Variants in SPAG5 observed in about 807,000 individuals in gnomAD.
SPAG5 encodes the protein sperm-associated antigen 5.
Under a neutral mutation model 145.4 loss-of-function variants are expected in SPAG5, and 99 were observed. That is an observed-to-expected ratio of 0.68 (90% CI 0.58 to 0.80). The LOEUF (loss-of-function observed/expected upper bound fraction) is 0.80. SPAG5 is among the 30% of genes least tolerant of loss of function. The pLI is 0.00. For missense variants in SPAG5, 1,192 were observed against 1,416.0 expected (o/e 0.84, Z 2.54); for synonymous variants, 477 against 525.4 (o/e 0.91, Z 1.26).
Position 28,579,206 on chromosome 17 carries a change from C to T in SPAG5, c.3052G>A (p.Glu1018Lys). 6.2e-7 allele frequency: 1 copy of T among 1,614,182 alleles called. No individual in the cohort carries two copies. The highest frequency in any genetic ancestry group is 8.5e-7 in the Non-Finnish European group (1 of 1,180,038). Residue 1018 changes from glutamate (E) to lysine (K), a missense_variant, in exon 19 of 24, where the codon GAA becomes AAA. Physicochemically the swap from Glu to Lys is moderately conservative, Grantham distance 56. This residue lies in a region of SPAG5 where 709 missense variants were observed against 840.7 expected (regional missense o/e 0.84). Coordinates refer to ENST00000321765, the MANE Select transcript of SPAG5 (RefSeq NM_006461.4). ...RLQAQEEQHQ[E>K]VQKAKEADIE... The stretch of plus-strand genomic sequence containing the variant: ...TCTGCTTCTTTTGCCTTCTGGACTT[C>T]CTGATGCTGTTCTTCCTGGGCCTGC...
intron 13 of SPAG5, 47 bp downstream of exon 13, chr17:28,584,103 C>T (rs768816551): frequency 1.2e-6 from 2 of 1,610,268 alleles, no homozygotes; most frequent in East Asian, 2.2e-5. Flanking sequence ...GCAAGAATCA[C>T]ACTCCTGAGG....
At position 28,585,820 on chromosome 17, in the gene SPAG5, G is replaced by A. The variant is rs200704201; in HGVS notation, c.1740+44C>T. 2.5e-6 allele frequency: 4 copies of A among 1,613,682 alleles called. No individual in the cohort carries two copies. In the African/African-American group the frequency reaches 4.0e-5, roughly 16 times the overall value. ...ATTTGTGTTCCTGCAGGAACCTTGA[G>A]GTGGAAACCTCCCACATCCAAGAAC... On this transcript the variant is annotated intron_variant, in intron 7 of 23. Coordinates refer to ENST00000321765, the MANE Select transcript of SPAG5 (RefSeq NM_006461.4).
intron 17 of SPAG5, 48 bp from the exon 18 acceptor site, chr17:28,579,533 G>A: frequency 6.3e-7 from 1 of 1,598,032 alleles, no homozygotes; most frequent in South Asian, 1.1e-5. Context: ...AGCCCTGGAA[G>A]GAAGGAGTGT....
chr17:28,577,939 C>T, intron 23 of SPAG5, 71 bp downstream of exon 23: 8 of 1,367,820 alleles, frequency 5.8e-6, no homozygotes, highest in Non-Finnish European at 8.3e-6. Flanking sequence ...CAGATCTGTG[C>T]TCATTAGTAC....
chr17:28,598,834 C>T (rs2070688722), intron 1 of SPAG5, 62 bp downstream of exon 1: 2 of 1,582,460 alleles, frequency 1.3e-6, no homozygotes, highest in Non-Finnish European at 8.7e-7. Context: ...ACAGTAGACA[C>T]GGCCGGTGCC....
Position 28,598,557 on chromosome 17 carries a change from G to A in SPAG5, c.130C>T (p.Pro44Ser). The A allele has an allele frequency of 6.2e-7, 1 of 1,613,922 alleles. No individual in the cohort carries two copies. Among genetic ancestry groups the A allele is most frequent in the Non-Finnish European group, 8.5e-7 (1 of 1,179,948 alleles). ...GALTNSGKRS[P>S]ACSSLTPSLC... ...GATGGGGTCAGCGAGGAGCAAGCGGGGGATCTTTTTCCAGAGTTGGTGAGG... is the reference window on the plus strand; with the variant it reads ...GATGGGGTCAGCGAGGAGCAAGCGGAGGATCTTTTTCCAGAGTTGGTGAGG... The change falls in exon 2 of 24, where the codon CCC becomes TCC. Residue 44 changes from proline to serine, a missense_variant. This residue lies in a region of SPAG5 where 329 missense variants were observed against 354.0 expected (regional missense o/e 0.93). Transcript: ENST00000321765.
intron 2 of SPAG5, among the ~76,000 whole-genome samples, chr17:28,596,778 T>C (rs1268148725): frequency 6.6e-6 from 1 of 152,160 alleles, no homozygotes; most frequent in Non-Finnish European, 1.5e-5. Flanking sequence ...TCTAATATGA[T>C]AGCCACTAGC....
At chr17:28,594,651 T>G (rs918027260) in intron 2 of SPAG5, among the ~76,000 whole-genome samples, 1 of 152,126 alleles carries the variant, frequency 6.6e-6, no homozygotes, top group South Asian at 2.1e-4. Context: ...TATTAGTGGA[T>G]GAAACAAAAC....
chr17:28,580,905 GCTAA>G (rs2070545517), intron 15 of SPAG5: 1 of 152,208 alleles, frequency 6.6e-6, no homozygotes, highest in East Asian at 1.9e-4. Flanking sequence ...AGACTCAAAG[GCTAA>G]CTGCCTGTGA....
intron 15 of SPAG5, among the ~76,000 whole-genome samples, chr17:28,583,280 G>A (rs1294688381): frequency 2.0e-5 from 3 of 152,186 alleles, no homozygotes; most frequent in South Asian, 4.1e-4. Context: ...GGGTTCTGGG[G>A]ATAAAAATGG....
Position 28,592,731 on chromosome 17 carries a change from T to G in SPAG5, c.513A>C (p.Arg171Ser). Residue 171 changes from arginine (R) to serine (S), a missense_variant, in exon 3 of 24, where the codon AGA (arginine) becomes AGC (serine). Arg to Ser is a moderately radical substitution (Grantham distance 110, BLOSUM62 -1). This residue lies in a region of SPAG5 where 329 missense variants were observed against 354.0 expected (regional missense o/e 0.93). Transcript: ENST00000321765. ...CTCCCATGCAGGGTGCCACCTCCTC[T>G]CTCACCAGATCGTCTGTTCTCAAAG... ...NGPLRTDDLV[R>S]EEVAPCMGDR... 6.2e-7 allele frequency: 1 copy of G among 1,614,206 alleles called. No individual in the cohort carries two copies. The highest frequency in any genetic ancestry group is 2.2e-5 in the East Asian group (1 of 44,894).
intron 6 of SPAG5, 26 bp downstream of exon 6, chr17:28,586,064 T>G (rs1218653327): frequency 1.2e-6 from 2 of 1,613,336 alleles, no homozygotes; most frequent in Non-Finnish European, 1.7e-6. Flanking sequence ...ACCACAGGCC[T>G]CCACCTCCAT....
chr17:28,587,250 A>T (rs1165533671), intron 4 of SPAG5, among the ~76,000 whole-genome samples: 4 of 142,656 alleles, frequency 2.8e-5, no homozygotes, highest in Non-Finnish European at 4.7e-5. Context: ...CCCATCTCTA[A>T]AAAAAAAAAA....
rs1187692813 is a variant in SPAG5, at chr17:28,585,356, GAAGT to G, written c.1912_1915del (p.Thr638LeufsTer21). 8 of 1,614,222 alleles carry G rather than the reference GAAGT, an allele frequency of 5.0e-6. No homozygotes were observed. The highest frequency in any genetic ancestry group is 5.9e-6 in the Non-Finnish European group (7 of 1,180,026). ...GGACCTCCAGTCTTGTTGCAAGGTA[GAAGT>G]AAGACTCACTGTCTGCTGAACCAGC... On this transcript the variant is annotated frameshift_variant, in exon 9 of 24. Coordinates refer to ENST00000321765, the MANE Select transcript of SPAG5 (RefSeq NM_006461.4). LOFTEE classifies it high-confidence loss of function.
chr17:28,577,769 G>T lies in SPAG5; in HGVS notation c.3512C>A (p.Thr1171Asn). The T allele has an allele frequency of 6.2e-7, 1 of 1,613,230 alleles. No homozygotes were observed. Among genetic ancestry groups the T allele is most frequent in the Non-Finnish European group, 8.5e-7 (1 of 1,179,212 alleles). The change falls in exon 24 of 24, where the codon ACC becomes AAC. Residue 1171 changes from threonine to asparagine, a missense_variant and splice_region_variant. Thr to Asn is a moderately conservative substitution (Grantham distance 65). Around this residue, in one of 5 missense-constraint regions of SPAG5, gnomAD observed 709 missense variants for 840.7 expected, o/e 0.84. Transcript: ENST00000321765. The part of the protein sequence containing the change: ...LDDIVQHIYK[T>N]LLSIPEVVRG... ...CACCACCTCTGGAATAGAGAGCAGG[G>T]TCTGGGAAGAGAGGCAGAAAACGCA...
chr17:28,590,635 C>G (rs574613418), intron 4 of SPAG5, among the ~76,000 whole-genome samples: 1 of 151,998 alleles, frequency 6.6e-6, no homozygotes, highest in Non-Finnish European at 1.5e-5. Flanking sequence ...CTTTGGGAGG[C>G]TGAGGCAGGT....
At chr17:28,588,443 GA>G (rs2070599735) in intron 4 of SPAG5, among the ~76,000 whole-genome samples, 3 of 152,170 alleles carry the variant, frequency 2.0e-5, no homozygotes, top group Admixed American at 6.5e-5. Context: ...AAACAGGAGG[GA>G]AATTGAACAG....
chr17:28,593,935 G>C (rs2070642084), intron 2 of SPAG5, among the ~76,000 whole-genome samples: 1 of 151,838 alleles, frequency 6.6e-6, no homozygotes, highest in East Asian at 1.9e-4. Flanking sequence ...AATTATTAGA[G>C]TTGAAACTAG....
rs374597210 is a variant in SPAG5 at position 28,585,991 on chromosome 17, C to A, written c.1613G>T (p.Arg538Leu). 2.5e-6 allele frequency: 4 copies of A among 1,614,084 alleles called. No homozygotes were observed. In the African/African-American group the frequency reaches 5.3e-5, roughly 22 times the overall value. The change falls in exon 7 of 24, where the codon CGT becomes CTT. Residue 538 changes from arginine to leucine, a missense_variant. Physicochemically the swap from Arg to Leu is moderately radical, Grantham distance 102 (BLOSUM62 -2). Transcript: ENST00000321765. The part of the protein sequence containing the change: ...DKTTVSQESR[R>L]AETLVCCCFD... Reference sequence around the variant, plus strand: ...ACAGCAACAGACCAATGTTTCTGCACGCCGAGACTATATGGTAAGAATCAG... The same window carrying A: ...ACAGCAACAGACCAATGTTTCTGCAAGCCGAGACTATATGGTAAGAATCAG...
Sources: gnomAD v4.1 joint callset for allele counts (sites outside exome capture counted in the v4.1 genomes callset) on GRCh38, gnomAD v4.1.1 for gene constraint, gnomAD v4.1.1 regional missense constraint, MANE v1.5 for transcripts, NCBI Gene and HGNC (gene_info 2026-07-23, HGNC 2026-07-21) for gene names.